Variants in ARSB observed in about 807,000 individuals in gnomAD.
The protein encoded by ARSB is N-acetylgalactosamine-4-sulfatase.
A neutral mutation model predicts 50.9 loss-of-function variants in ARSB; 41 were observed. The ratio of observed to expected loss-of-function variants is 0.81; its 90% CI spans 0.63 to 1.04. The LOEUF (loss-of-function observed/expected upper bound fraction) is 1.04. ARSB is among the 50% of genes least tolerant of loss of function. The pLI, the probability that ARSB is intolerant of heterozygous loss-of-function variation, is 0.00. For synonymous variants in ARSB, 269 were observed against 284.8 expected, an observed-to-expected ratio of 0.94 and a Z score of 0.56; for missense variants, 672 against 693.3, an observed-to-expected ratio of 0.97 and a Z score of 0.35.
chr5:78,933,229 T>C (rs1377719372), intron 4 of ARSB, among the ~76,000 whole-genome samples: 2 of 152,340 alleles, frequency 1.3e-5, no homozygotes, highest in South Asian at 2.1e-4. Flanking sequence ...GTGTCAAATA[T>C]ATACCCATGG....
At chr5:78,876,151 A>G (rs746920193) in intron 5 of ARSB, among the ~76,000 whole-genome samples, 43 of 152,084 alleles carry the variant, frequency 2.8e-4, no homozygotes, top group Non-Finnish European at 5.3e-4. Flanking sequence ...AACATTAAAC[A>G]TAATTAAATA....
chr5:78,874,574 T>C (rs1181095881), intron 5 of ARSB, among the ~76,000 whole-genome samples: 1 of 151,892 alleles, frequency 6.6e-6, no homozygotes, highest in Non-Finnish European at 1.5e-5. Flanking sequence ...TTTTTCTAAA[T>C]ATTAAAGAAC....
intron 2 of ARSB, among the ~76,000 whole-genome samples, chr5:78,968,320 T>C (rs1752295884): frequency 2.5e-5 from 1 of 39,760 alleles, no homozygotes; most frequent in South Asian, 7.2e-4. Context: ...TTTATTTTAT[T>C]ATTATTATTA....
intron 5 of ARSB, among the ~76,000 whole-genome samples, chr5:78,877,587 C>T (rs1018579847): frequency 6.6e-6 from 1 of 152,110 alleles, no homozygotes; most frequent in Admixed American, 6.6e-5. Flanking sequence ...CGGGGTTTCA[C>T]CATGTTGGCC....
chr5:78,842,278 G>A (rs1206915999), intron 5 of ARSB, among the ~76,000 whole-genome samples: 1 of 152,160 alleles, frequency 6.6e-6, no homozygotes, highest in Non-Finnish European at 1.5e-5. Context: ...GAGGGGAAGG[G>A]GTGGGTGATG....
intron 6 of ARSB, among the ~76,000 whole-genome samples, chr5:78,832,094 T>C (rs1744720792): frequency 6.6e-6 from 1 of 151,270 alleles, no homozygotes; most frequent in African/African-American, 2.4e-5. Flanking sequence ...AACACGTGAA[T>C]ATAAATACTG....
intron 5 of ARSB, 87 bp from the exon 6 acceptor site, chr5:78,839,513 G>T: frequency 7.9e-7 from 1 of 1,264,194 alleles, no homozygotes; most frequent in Non-Finnish European, 1.1e-6. Flanking sequence ...GTACTTATAG[G>T]AAATAACAAA....
At chr5:78,832,866 ATG>A (rs1288929635) in intron 6 of ARSB, among the ~76,000 whole-genome samples, 1 of 152,122 alleles carries the variant, frequency 6.6e-6, no homozygotes, top group Non-Finnish European at 1.5e-5. Context: ...TACCAGCAGA[ATG>A]TGTGTGTCTC....
At chr5:78,961,427 C>T (rs1376958712) in intron 3 of ARSB, among the ~76,000 whole-genome samples, 1 of 152,148 alleles carries the variant, frequency 6.6e-6, no homozygotes, top group Non-Finnish European at 1.5e-5. Context: ...GTTTCAGACA[C>T]AATAGGAAAA....
chr5:78,940,326 T>C (rs1386014962), intron 4 of ARSB, among the ~76,000 whole-genome samples: 2 of 152,352 alleles, frequency 1.3e-5, no homozygotes, highest in African/African-American at 4.8e-5. Context: ...CTGCCATTGC[T>C]TTTGGTGTTT....
In ARSB at chr5:78,879,265, A is replaced by G. The variant is rs114809520; in HGVS notation, c.1142+6319T>C. Among the ~76,000 whole-genome samples the G allele has an allele frequency of 3.2e-3, 481 of 152,348 alleles. 1 individual carries two copies. The highest frequency in any genetic ancestry group is 5.1e-3 in the Non-Finnish European group (345 of 68,034). On this transcript the variant is annotated intron_variant, in intron 5 of 7. Transcript: ENST00000264914. ...AATCAACCTTATGAAATGTCTTCAA[A>G]CAACCTATAGGCTGATTATTGAGCT...
At chr5:78,824,845 G>C (rs923431006) in intron 6 of ARSB, among the ~76,000 whole-genome samples, 2 of 152,210 alleles carry the variant, frequency 1.3e-5, no homozygotes, top group African/African-American at 4.8e-5. Flanking sequence ...GTCAGGTTAA[G>C]ATAGGCAGAA....
At chr5:78,886,419 T>C (rs887777300) in intron 4 of ARSB, among the ~76,000 whole-genome samples, 1 of 152,200 alleles carries the variant, frequency 6.6e-6, no homozygotes, top group African/African-American at 2.4e-5. Context: ...AAACAGAACA[T>C]TAGATGGAAA....
intron 4 of ARSB, among the ~76,000 whole-genome samples, chr5:78,938,104 G>A (rs1337541416): frequency 6.6e-6 from 1 of 152,182 alleles, no homozygotes; most frequent in East Asian, 1.9e-4. Context: ...CCCATGGGAA[G>A]CAACACGAGT....
In ARSB at chr5:78,781,990, T is replaced by C; in HGVS notation, c.1214-16A>G. 6.2e-7 allele frequency: 1 copy of C among 1,614,046 alleles called. No homozygotes were observed. Among genetic ancestry groups the C allele is most frequent in the Non-Finnish European group, 8.5e-7 (1 of 1,179,898 alleles). On this transcript the variant is annotated splice_polypyrimidine_tract_variant and intron_variant, in intron 6 of 7. Transcript: ENST00000264914. ...TTCCTGGGACCTGGGAAGAAATAGTTTGAAAGAATTAGATCACTGTTATTG... is the reference window on the plus strand; with the variant it reads ...TTCCTGGGACCTGGGAAGAAATAGTCTGAAAGAATTAGATCACTGTTATTG...
intron 5 of ARSB, among the ~76,000 whole-genome samples, chr5:78,849,912 G>T (rs1745670716): frequency 6.6e-6 from 1 of 150,858 alleles, no homozygotes; most frequent in Non-Finnish European, 1.5e-5. Flanking sequence ...CATTGATTTT[G>T]CATCCTGAGA....
In ARSB at chr5:78,778,600, G is replaced by A. The variant is rs1180362911; in HGVS notation, c.*1797C>T. 1 of 152,204 alleles carries A rather than the reference G, an allele frequency of 6.6e-6. No homozygotes were observed. Among genetic ancestry groups the A allele is most frequent in the Non-Finnish European group, 1.5e-5 (1 of 68,062 alleles). The allele number at this position is 152,204 out of a possible 1,614,324, so 9.4% of individuals were successfully genotyped here. A position where few individuals can be genotyped will look rare whatever the true frequency, so the allele number is the denominator to read the frequency against. On this transcript the variant is annotated 3_prime_UTR_variant, in exon 8 of 8. Transcript: ENST00000264914. Reference sequence around the variant, plus strand: ...GTAGATTATGCTCCTACCCCAGGAGGGGCAGCTTGAGAACAGAAAAGCAAC... The same window carrying A: ...GTAGATTATGCTCCTACCCCAGGAGAGGCAGCTTGAGAACAGAAAAGCAAC...
intron 1 of ARSB, among the ~76,000 whole-genome samples, chr5:78,978,658 T>C (rs138280892): frequency 7.2e-5 from 11 of 152,302 alleles, no homozygotes; most frequent in African/African-American, 2.6e-4. Flanking sequence ...GGCATAAGGA[T>C]AGGCATGTAG....
intron 6 of ARSB, among the ~76,000 whole-genome samples, chr5:78,835,886 A>ACAC (rs1744931420): frequency 2.0e-5 from 3 of 152,162 alleles, no homozygotes; most frequent in Non-Finnish European, 2.9e-5. Flanking sequence ...TCCCGCAGTA[A>ACAC]GCACCAACGA....
Sources: gnomAD v4.1 joint callset for allele counts (sites outside exome capture counted in the v4.1 genomes callset) on GRCh38, gnomAD v4.1.1 for gene constraint, MANE v1.5 for transcripts, NCBI Gene and HGNC (gene_info 2026-07-23, HGNC 2026-07-21) for gene names.